The following TRIO variants were observed in gnomAD, a reference collection of about 807,000 sequenced individuals.
The protein encoded by TRIO is triple functional domain protein.
A neutral mutation model predicts 351.9 loss-of-function variants in TRIO; 58 were observed. The ratio of observed to expected loss-of-function variants is 0.16; its 90% CI spans 0.13 to 0.21. The LOEUF is 0.21. Among genes scored for constraint, TRIO ranks in the 10% least tolerant of loss-of-function variants. The pLI is 1.00. For missense variants in TRIO, 3,201 were observed against 4,027.8 expected, an observed-to-expected ratio of 0.79 and a Z score of 5.56; for synonymous variants, 1,758 against 1,595.7, an observed-to-expected ratio of 1.10 and a Z score of -2.42.
At chr5:14,348,696 T>C (rs1342176321) in intron 11 of TRIO, among the ~76,000 whole-genome samples, 3 of 152,192 alleles carry the variant, frequency 2.0e-5, no homozygotes, top group African/African-American at 7.2e-5. Context: ...AGCATGTTTT[T>C]CCTGCATGTT....
At chr5:14,308,226 C>T (rs1451909646) in intron 8 of TRIO, among the ~76,000 whole-genome samples, 4 of 152,296 alleles carry the variant, frequency 2.6e-5, no homozygotes, top group Non-Finnish European at 4.4e-5. Context: ...GCCATCCATT[C>T]ACCCATCCAT....
rs1016136118 is a variant in TRIO at position 14,507,390 on chromosome 5, G to C, written c.8751+130G>C. On this transcript the variant is annotated intron_variant, in intron 56 of 56. Transcript: ENST00000344204. ...AGGGACAAAAAGGGTGGGTGGGGCA[G>C]CGCAGACACTGATTGCTAATCTCTC... The C allele has an allele frequency of 6.9e-6, 9 of 1,306,472 alleles. No individual in the cohort carries two copies. The Admixed American group carries it at 2.4e-4, about 35-fold the overall frequency. 80.9% of individuals were successfully genotyped at this position (1,306,472 alleles called of 1,614,324 possible).
chr5:14,203,661 G>A (rs1458503759), intron 1 of TRIO, among the ~76,000 whole-genome samples: 1 of 152,208 alleles, frequency 6.6e-6, no homozygotes, highest in Non-Finnish European at 1.5e-5. Flanking sequence ...GGCGTTCAGT[G>A]CCCTCAAGCA....
intron 6 of TRIO, 41 bp from the exon 7 acceptor site, chr5:14,297,031 G>T (rs1467497499): frequency 1.9e-6 from 3 of 1,560,166 alleles, no homozygotes; most frequent in Non-Finnish European, 1.7e-6. Flanking sequence ...CCTCCTATTT[G>T]CTCTCCCCTA....
chr5:14,184,117 G>A (rs1303041372), intron 1 of TRIO, among the ~76,000 whole-genome samples: 1 of 152,218 alleles, frequency 6.6e-6, no homozygotes, highest in Non-Finnish European at 1.5e-5. Context: ...TGTTTGGATG[G>A]TTGGGTGCCA....
At chr5:14,230,555 G>A (rs907347212) in intron 1 of TRIO, among the ~76,000 whole-genome samples, 3 of 152,232 alleles carry the variant, frequency 2.0e-5, no homozygotes, top group Admixed American at 6.5e-5. Flanking sequence ...CAGAGGAACC[G>A]CAGAGGGATG....
chr5:14,440,017 G>A (rs1012393066), intron 34 of TRIO, among the ~76,000 whole-genome samples: 1 of 152,092 alleles, frequency 6.6e-6, no homozygotes, highest in Non-Finnish European at 1.5e-5. Context: ...AAATGTGGAG[G>A]TGGGGACAAA....
At chr5:14,287,626 C>T (rs1275844795) in intron 4 of TRIO, among the ~76,000 whole-genome samples, 5 of 152,004 alleles carry the variant, frequency 3.3e-5, no homozygotes, top group African/African-American at 1.2e-4. Context: ...AAGACAAAAC[C>T]CTCAGCCCAC....
At chr5:14,206,849 ATTTG>A (rs1358771585) in intron 1 of TRIO, among the ~76,000 whole-genome samples, 3 of 152,110 alleles carry the variant, frequency 2.0e-5, no homozygotes, top group African/African-American at 7.2e-5. Context: ...TTCTCTTTTT[ATTTG>A]TTTGTGTACC....
chr5:14,437,701 A>C, intron 34 of TRIO, among the ~76,000 whole-genome samples: 1 of 114,738 alleles, frequency 8.7e-6, no homozygotes, highest in Admixed American at 9.7e-5. Flanking sequence ...CCCCGCCCCA[A>C]GGACCTCATT....
chr5:14,375,555 G>A (rs941200885), intron 19 of TRIO, among the ~76,000 whole-genome samples: 8 of 152,098 alleles, frequency 5.3e-5, no homozygotes, highest in Admixed American at 5.2e-4. Flanking sequence ...GCCTACTTGG[G>A]GGTGAAAGGT....
chr5:14,429,638 ATAAG>A (rs1750929671), intron 34 of TRIO, among the ~76,000 whole-genome samples: 2 of 152,220 alleles, frequency 1.3e-5, no homozygotes, highest in African/African-American at 4.8e-5. Context: ...TTTTTTCTAA[ATAAG>A]AGAAAGAAAA....
intron 37 of TRIO, among the ~76,000 whole-genome samples, chr5:14,468,603 A>G (rs1054326628): frequency 2.0e-5 from 3 of 152,248 alleles, no homozygotes; most frequent in Non-Finnish European, 4.4e-5. Flanking sequence ...CTAACGTCAC[A>G]TGGGAACTAG....
At chr5:14,144,891 C>CAGGAGG (rs1273238922) in intron 1 of TRIO, among the ~76,000 whole-genome samples, 2 of 151,324 alleles carry the variant, frequency 1.3e-5, no homozygotes, top group African/African-American at 4.9e-5. Context: ...TGAGCAGCAG[C>CAGGAGG]AGGAGGAGGA....
chr5:14,179,392 A>G (rs1019057951), intron 1 of TRIO, among the ~76,000 whole-genome samples: 44 of 151,886 alleles, frequency 2.9e-4, no homozygotes, highest in African/African-American at 1.0e-3. Flanking sequence ...TATTCTTTTC[A>G]CTTGTTCTGC....
intron 34 of TRIO, among the ~76,000 whole-genome samples, chr5:14,436,012 G>A (rs1453590022): frequency 6.6e-6 from 1 of 152,144 alleles, no homozygotes; most frequent in Admixed American, 6.5e-5. Flanking sequence ...TAGCAGATGT[G>A]TGTGTACCAA....
intron 1 of TRIO, among the ~76,000 whole-genome samples, chr5:14,264,878 T>C (rs1331825398): frequency 6.6e-6 from 1 of 152,180 alleles, no homozygotes; most frequent in African/African-American, 2.4e-5. Flanking sequence ...TTATCACTCT[T>C]CTCTTTGTGT....
chr5:14,220,898 A>C (rs1415311540), intron 1 of TRIO, among the ~76,000 whole-genome samples: 1 of 152,246 alleles, frequency 6.6e-6, no homozygotes, highest in Non-Finnish European at 1.5e-5. Context: ...GACCTTCCTA[A>C]GATCAGATTT....
chr5:14,245,539 T>G (rs1226971540), intron 1 of TRIO, among the ~76,000 whole-genome samples: 2 of 152,246 alleles, frequency 1.3e-5, no homozygotes, highest in Non-Finnish European at 2.9e-5. Context: ...TTGTCATTGC[T>G]TAAAGATAGT....
Sources: gnomAD v4.1 joint callset for allele counts (sites outside exome capture counted in the v4.1 genomes callset) on GRCh38, gnomAD v4.1.1 for gene constraint, MANE v1.5 for transcripts, NCBI Gene and HGNC (gene_info 2026-07-23, HGNC 2026-07-21) for gene names.